OVCH1: variants seen among roughly 807,000 people sequenced by gnomAD.
The protein encoded by OVCH1 is ovochymase 1.
OVCH1 carries 139 observed loss-of-function variants against 138.4 expected under a neutral mutation model. The ratio of observed to expected loss-of-function variants is 1.00; its 90% CI spans 0.87 to 1.16. OVCH1 has a LOEUF of 1.16. Among genes scored for constraint, OVCH1 ranks in the 50% most tolerant of loss-of-function variants. The pLI is 0.00. For synonymous variants in OVCH1, 453 were observed against 467.8 expected (o/e 0.97, Z 0.41); for missense variants, 1,367 against 1,357.9 (o/e 1.01, Z -0.11).
At chr12:29,492,434 G>A (rs1349482550) in intron 4 of OVCH1, among the ~76,000 whole-genome samples, 1 of 152,068 alleles carries the variant, frequency 6.6e-6, no homozygotes, top group African/African-American at 2.4e-5. Context: ...GAGAACCATT[G>A]AAGTGGTTTG....
intron 26 of OVCH1, among the ~76,000 whole-genome samples, chr12:29,435,606 G>T (rs12313352): frequency 6.6e-6 from 1 of 151,946 alleles, no homozygotes; most frequent in Admixed American, 6.6e-5. Flanking sequence ...CGCCCACCTC[G>T]GCCTCCCAAA....
downstream of OVCH1, among the ~76,000 whole-genome samples, chr12:29,407,594 T>G (rs1266807411): frequency 2.8e-3 from 426 of 151,488 alleles, 1 homozygote; most frequent in Middle Eastern, 0.021. Flanking sequence ...TTTTGTCAGG[T>G]TTGTCAAAGA....
Position 29,476,808 on chromosome 12 carries a change from G to C in OVCH1, c.1377+294C>G, listed in dbSNP as rs2217907. Among the ~76,000 whole-genome samples the C allele has an allele frequency of 0.067, 2,107 of 31,448 alleles. 79 individuals are homozygous for C. The highest frequency in any genetic ancestry group is 0.22 in the African/African-American group (1,814 of 8,098). 20.6% of individuals were successfully genotyped at this position (31,448 alleles called of 152,430 possible). A position where few individuals can be genotyped will look rare whatever the true frequency, so the allele number is the denominator to read the frequency against. On this transcript the variant is annotated intron_variant, in intron 12 of 27. Coordinates refer to ENST00000318184, the Ensembl canonical transcript of OVCH1. ...ACACACACACACACACACACACACA[G>C]GTTAGTAAATGCTCAAAATACCTCC...
intron 16 of OVCH1, among the ~76,000 whole-genome samples, chr12:29,468,540 G>A (rs1427251247): frequency 6.6e-6 from 1 of 152,000 alleles, no homozygotes; most frequent in African/African-American, 2.4e-5. Context: ...ATCTACCAAA[G>A]CTTTTTCTGC....
chr12:29,494,490 T>A (rs1943357869), intron 4 of OVCH1, among the ~76,000 whole-genome samples: 1 of 152,090 alleles, frequency 6.6e-6, no homozygotes, highest in African/African-American at 2.4e-5. Flanking sequence ...TTGTTAGAGA[T>A]GAATATAGGT....
intron 25 of OVCH1, among the ~76,000 whole-genome samples, chr12:29,441,323 A>G (rs1394363388): frequency 3.3e-5 from 5 of 152,194 alleles, no homozygotes; most frequent in African/African-American, 2.4e-5. Flanking sequence ...CCACATATCT[A>G]CAACTATCTG....
At chr12:29,477,420 C>T (rs373338144) in exon 11 of OVCH1, 2 of 1,613,986 alleles carry the variant, frequency 1.2e-6, no homozygotes, top group Non-Finnish European at 1.7e-6. Context: ...CAAATGGAAC[C>T]ATGGCCTCAC....
chr12:29,471,133 G>C (rs1371643393), intron 16 of OVCH1, among the ~76,000 whole-genome samples: 1 of 152,054 alleles, frequency 6.6e-6, no homozygotes, highest in Non-Finnish European at 1.5e-5. Context: ...CTCGAAAGGT[G>C]AGTATAAAGA....
chr12:29,413,097 A>G (rs1454578244), intron 3 of OVCH1, among the ~76,000 whole-genome samples: 1 of 151,954 alleles, frequency 6.6e-6, no homozygotes, highest in African/African-American at 2.4e-5. Flanking sequence ...CCTGGCCTCA[A>G]ATGATCCTTT....
chr12:29,403,282 C>A, the OVCH1 span, among the ~76,000 whole-genome samples: 3 of 152,044 alleles, frequency 2.0e-5, no homozygotes, highest in African/African-American at 7.2e-5. Flanking sequence ...ATATTGAGTT[C>A]TATAGGAAAG....
At chr12:29,461,300 T>C (rs1196676149) in intron 19 of OVCH1, among the ~76,000 whole-genome samples, 1 of 152,216 alleles carries the variant, frequency 6.6e-6, no homozygotes, top group East Asian at 1.9e-4. Flanking sequence ...TTCCATTGAC[T>C]TTGTGAAGGT....
chr12:29,477,017 A>C, intron 12 of OVCH1, 85 bp downstream of exon 12: 2 of 1,384,006 alleles, frequency 1.4e-6, no homozygotes, highest in Admixed American at 6.2e-5. Context: ...TCATAATGGC[A>C]ATTTAACAAT....
intron 8 of OVCH1, among the ~76,000 whole-genome samples, chr12:29,481,954 CTT>C (rs2136053047): frequency 6.6e-6 from 1 of 152,348 alleles, no homozygotes; most frequent in Admixed American, 6.5e-5. Flanking sequence ...CAAAGCTAGA[CTT>C]TTACCTGGAT....
chr12:29,415,596 G>A (rs1360344046), intron 3 of OVCH1, among the ~76,000 whole-genome samples: 1 of 152,122 alleles, frequency 6.6e-6, no homozygotes, highest in Non-Finnish European at 1.5e-5. Flanking sequence ...TATACACTTA[G>A]CAAAACAGGT....
intron 8 of OVCH1, among the ~76,000 whole-genome samples, chr12:29,485,725 G>A (rs968810956): frequency 3.3e-5 from 5 of 151,870 alleles, no homozygotes; most frequent in Non-Finnish European, 4.4e-5. Flanking sequence ...GCAGTGAGCC[G>A]AGATTGTGCC....
rs781252383 is a variant in OVCH1, at chr12:29,489,691, T to C, written c.631A>G (p.Met211Val). 5 of 1,610,414 alleles carry C rather than the reference T, an allele frequency of 3.1e-6. No individual in the cohort carries two copies. In the South Asian group the frequency reaches 3.3e-5, roughly 11 times the overall value. Residue 211 changes from methionine (M) to valine (V), a missense_variant, in exon 6 of 28, where the codon ATG becomes GTG. By Grantham distance (21) the Met-to-Val change is conservative. Coordinates refer to ENST00000318184, the Ensembl canonical transcript of OVCH1. ...GTCCTTCCCAGGGGAGGGAGGTTCATGCTCTTGAGCACAGTATTACACGCT... is the reference window on the plus strand; with the variant it reads ...GTCCTTCCCAGGGGAGGGAGGTTCACGCTCTTGAGCACAGTATTACACGCT...
intron 17 of OVCH1, 67 bp from the exon 18 acceptor site, chr12:29,464,769 G>A: frequency 7.2e-7 from 1 of 1,379,416 alleles, no homozygotes; most frequent in Non-Finnish European, 1.0e-6. Flanking sequence ...CTTCCTTGTT[G>A]ATGGTCCAAA....
chr12:29,488,114 C>A (rs947232560), intron 6 of OVCH1, among the ~76,000 whole-genome samples: 1 of 151,976 alleles, frequency 6.6e-6, no homozygotes, highest in African/African-American at 2.4e-5. Flanking sequence ...TGGCTGCAAT[C>A]TTGTCAGGTT....
chr12:29,416,959 A>G (rs760521812), intron 3 of OVCH1, among the ~76,000 whole-genome samples: 6 of 152,216 alleles, frequency 3.9e-5, no homozygotes, highest in Non-Finnish European at 7.3e-5. Flanking sequence ...ATACCATGGA[A>G]TGCTATTCAT....
Sources: allele counts gnomAD v4.1 joint callset (sites outside exome capture counted in the v4.1 genomes callset), GRCh38; gene constraint gnomAD v4.1.1; transcripts MANE v1.5; gene names NCBI Gene and HGNC (gene_info 2026-07-23, HGNC 2026-07-21).